Variants in FBXL7 observed in about 807,000 individuals in gnomAD.
FBXL7 encodes the protein F-box/LRR-repeat protein 7.
A neutral mutation model predicts 38.3 loss-of-function variants in FBXL7; 12 were observed. That is an observed-to-expected ratio of 0.31 (90% CI 0.20 to 0.51). The LOEUF (loss-of-function observed/expected upper bound fraction) is 0.51, where lower values mean the gene tolerates loss of function less well. Among genes scored for constraint, FBXL7 ranks in the 20% least tolerant of loss-of-function variants. The pLI is 0.98. For missense variants in FBXL7, 567 were observed against 676.4 expected (o/e 0.84, Z 1.79); for synonymous variants, 297 against 300.9 (o/e 0.99, Z 0.13).
intron 2 of FBXL7, among the ~76,000 whole-genome samples, chr5:15,798,072 A>G (rs1246316359): frequency 6.6e-6 from 1 of 152,202 alleles, no homozygotes; most frequent in African/African-American, 2.4e-5. Context: ...GGAATAACAC[A>G]AAATGGCCAT....
rs929487526 is a variant in FBXL7 at position 15,602,244 on chromosome 5, G to A, written c.38-13739G>A. 3.9e-5 allele frequency: 6 copies of A among 151,938 alleles called. No homozygotes were observed. The East Asian group carries it at 9.7e-4, about 25-fold the overall frequency. 9.4% of individuals were successfully genotyped at this position (151,938 alleles called of 1,614,324 possible). ...TCACCCAGTTAGTGGAAACAAATAC[G>A]GAGTACTTTACAGCATGTCACCACG... is the stretch of plus-strand genomic sequence containing the variant. On this transcript the variant is annotated intron_variant, in intron 1 of 3. Coordinates refer to ENST00000504595, the MANE Select transcript of FBXL7 (RefSeq NM_012304.5).
intron 2 of FBXL7, among the ~76,000 whole-genome samples, chr5:15,904,089 A>G (rs1579589634): frequency 6.6e-6 from 1 of 152,276 alleles, no homozygotes. Flanking sequence ...AAATCTTCGT[A>G]GCTACATTTT....
intron 2 of FBXL7, among the ~76,000 whole-genome samples, chr5:15,713,894 G>A (rs1743958336): frequency 6.6e-6 from 1 of 152,170 alleles, no homozygotes; most frequent in African/African-American, 2.4e-5. Context: ...ACTTGATTTT[G>A]TTCTTTAAAT....
chr5:15,706,472 T>G (rs915126653), intron 2 of FBXL7, among the ~76,000 whole-genome samples: 12 of 152,270 alleles, frequency 7.9e-5, no homozygotes, highest in African/African-American at 2.9e-4. Flanking sequence ...CTTTTCCTTA[T>G]GAATTACACA....
At chr5:15,507,420 A>C (rs1340557503) in intron 1 of FBXL7, among the ~76,000 whole-genome samples, 1 of 152,214 alleles carries the variant, frequency 6.6e-6, no homozygotes, top group Admixed American at 6.5e-5. Context: ...TTGGAAATCA[A>C]CTCACATAAA....
At chr5:15,645,496 G>A (rs929698114) in intron 2 of FBXL7, among the ~76,000 whole-genome samples, 1 of 152,070 alleles carries the variant, frequency 6.6e-6, no homozygotes, top group African/African-American at 2.4e-5. Flanking sequence ...ACCAACAAAT[G>A]TACTTCTTAC....
At chr5:15,605,146 T>G (rs1305692246) in intron 1 of FBXL7, among the ~76,000 whole-genome samples, 1 of 152,212 alleles carries the variant, frequency 6.6e-6, no homozygotes, top group Non-Finnish European at 1.5e-5. Context: ...GCAGTGGGAC[T>G]GTCTCCTTTC....
At chr5:15,505,006 A>C (rs186704478) in intron 1 of FBXL7, among the ~76,000 whole-genome samples, 349 of 152,250 alleles carry the variant, frequency 2.3e-3, no homozygotes, top group Non-Finnish European at 4.2e-3. Context: ...AAAGGGCGAG[A>C]TCCTTGGTAA....
At chr5:15,621,777 A>G (rs1169205479) in intron 2 of FBXL7, among the ~76,000 whole-genome samples, 2 of 152,256 alleles carry the variant, frequency 1.3e-5, no homozygotes, top group Admixed American at 6.5e-5. Flanking sequence ...TATTGAACCC[A>G]TCTACAGCAT....
At chr5:15,550,766 T>G (rs1414980501) in intron 1 of FBXL7, among the ~76,000 whole-genome samples, 1 of 152,246 alleles carries the variant, frequency 6.6e-6, no homozygotes, top group South Asian at 2.1e-4. Flanking sequence ...GAAAATGCCT[T>G]GCTCATTCCG....
At chr5:15,862,644 A>G (rs949502069) in intron 2 of FBXL7, among the ~76,000 whole-genome samples, 3 of 152,204 alleles carry the variant, frequency 2.0e-5, no homozygotes, top group Non-Finnish European at 2.9e-5. Context: ...AGTGGCTTCA[A>G]TGAAGATGCT....
intron 2 of FBXL7, among the ~76,000 whole-genome samples, chr5:15,763,246 C>T (rs1208245105): frequency 2.0e-5 from 3 of 152,164 alleles, no homozygotes; most frequent in Non-Finnish European, 2.9e-5. Flanking sequence ...AGCATGTAAT[C>T]CCCCTGTGCC....
chr5:15,502,915 T>A (rs1736537185), intron 1 of FBXL7, among the ~76,000 whole-genome samples: 4 of 152,214 alleles, frequency 2.6e-5, no homozygotes, highest in Admixed American at 2.6e-4. Context: ...TAAGACAGTT[T>A]TATAGAGTTA....
intron 2 of FBXL7, among the ~76,000 whole-genome samples, chr5:15,623,608 T>G (rs536220950): frequency 6.6e-6 from 1 of 152,334 alleles, no homozygotes; most frequent in South Asian, 2.1e-4. Context: ...CTTATATCTT[T>G]ATATTGTCTT....
chr5:15,546,071 T>C (rs534940178), intron 1 of FBXL7, among the ~76,000 whole-genome samples: 56 of 152,388 alleles, frequency 3.7e-4, no homozygotes, highest in Non-Finnish European at 7.3e-4. Context: ...ATTAAAATTA[T>C]AGCATGCATG....
chr5:15,730,264 A>G (rs1327353137), intron 2 of FBXL7, among the ~76,000 whole-genome samples: 2 of 152,148 alleles, frequency 1.3e-5, no homozygotes, highest in East Asian at 3.9e-4. Flanking sequence ...TTGCACAGGT[A>G]CTGTAAATCT....
chr5:15,587,729 T>C (rs780005146), intron 1 of FBXL7, among the ~76,000 whole-genome samples: 2 of 152,200 alleles, frequency 1.3e-5, no homozygotes, highest in Non-Finnish European at 2.9e-5. Flanking sequence ...TTAACATAGA[T>C]TGGATGAAAC....
chr5:15,750,916 T>G (rs1411657376), intron 2 of FBXL7, among the ~76,000 whole-genome samples: 1 of 152,196 alleles, frequency 6.6e-6, no homozygotes, highest in Non-Finnish European at 1.5e-5. Flanking sequence ...TGACACTTGG[T>G]CTACCTTTGA....
At chr5:15,721,628 G>C (rs981561425) in intron 2 of FBXL7, among the ~76,000 whole-genome samples, 9 of 151,890 alleles carry the variant, frequency 5.9e-5, no homozygotes, top group African/African-American at 2.2e-4. Context: ...ACTTACAAGA[G>C]AGGTGATCTT....
Sources: allele counts gnomAD v4.1 joint callset (sites outside exome capture counted in the v4.1 genomes callset), GRCh38; gene constraint gnomAD v4.1.1; transcripts MANE v1.5; gene names NCBI Gene and HGNC (gene_info 2026-07-23, HGNC 2026-07-21).